SOX10: variants seen among roughly 807,000 people sequenced by gnomAD.
The protein encoded by SOX10 is transcription factor SOX-10.
In SOX10, 3 loss-of-function variants were observed where a neutral mutation model predicts 35.0. That is an observed-to-expected ratio of 0.09 (90% CI 0.04 to 0.22). The LOEUF (loss-of-function observed/expected upper bound fraction) is 0.22. SOX10 is among the 10% of genes least tolerant of loss of function. The probability of loss-of-function intolerance (pLI) is 1.00; values close to 1 mark genes in which losing one functional copy is unlikely to be tolerated. For missense variants in SOX10, 436 were observed against 655.1 expected, an observed-to-expected ratio of 0.67 and a Z score of 3.65; for synonymous variants, 285 against 291.0, an observed-to-expected ratio of 0.98 and a Z score of 0.21.
Position 37,973,477 on chromosome 22 carries a change from G to A in SOX10, c.*18C>T, listed in dbSNP as rs543526248. 21 of 1,506,314 alleles carry A rather than the reference G, an allele frequency of 1.4e-5. No individual in the cohort carries two copies. The African/African-American group carries it at 2.8e-4, about 20-fold the overall frequency. The allele number at this position is 1,506,314 out of a possible 1,614,324, so 93.3% of individuals were successfully genotyped here. A position where few individuals can be genotyped will look rare whatever the true frequency, so the allele number is the denominator to read the frequency against. Reference sequence around the variant, plus strand: ...GGGGGCAGGGGCTGGGCGGGGGGTGGTGGCGACAGGGCCCCCTTTAGGGCC... The same window carrying A: ...GGGGGCAGGGGCTGGGCGGGGGGTGATGGCGACAGGGCCCCCTTTAGGGCC... On this transcript the variant is annotated 3_prime_UTR_variant, in exon 4 of 4. Coordinates refer to ENST00000396884, the MANE Select transcript of SOX10 (RefSeq NM_006941.4).
In SOX10 at chr22:37,980,661, C is replaced by A. The variant is rs888588635; in HGVS notation, c.429-2526G>T. On this transcript the variant is annotated intron_variant, in intron 2 of 3. Coordinates refer to ENST00000396884, the MANE Select transcript of SOX10 (RefSeq NM_006941.4). The surrounding 1 kb of genome is among the most constrained non-coding windows in gnomAD (Gnocchi z 4.1). ...AACATTACCAGCCCCAAACCCCCAACTTCGCCTCCAGCTCTAACTCCAAAC... is the reference window on the plus strand; with the variant it reads ...AACATTACCAGCCCCAAACCCCCAAATTCGCCTCCAGCTCTAACTCCAAAC... Among the ~76,000 whole-genome samples the A allele has an allele frequency of 1.3e-5, 2 of 152,232 alleles. No individual in the cohort carries two copies. Among genetic ancestry groups the A allele is most frequent in the African/African-American group, 4.8e-5 (2 of 41,464 alleles).
Position 37,983,595 on chromosome 22 carries a change from C to T in SOX10, c.190G>A (p.Asp64Asn), listed in dbSNP as rs1371901048. The T allele has an allele frequency of 1.2e-6, 2 of 1,608,846 alleles. No individual in the cohort carries two copies. Among genetic ancestry groups the T allele is most frequent in the East Asian group, 2.2e-5 (1 of 44,748 alleles). ...ATGCACACGGGGAACTTGTCATCGT[C>T]CGCCTCGCCGTCCTGCTGCTCCTTC... ...VKKEQQDGEADDDKFPVCIRE... is the reference protein window; with the variant it reads ...VKKEQQDGEANDDKFPVCIRE... Residue 64 changes from aspartate (D) to asparagine (N), a missense_variant, in exon 2 of 4, where the codon GAC becomes AAC. Physicochemically the swap from Asp to Asn is conservative, Grantham distance 23. This residue lies in a region of SOX10 where 97 missense variants were observed against 95.5 expected (regional missense o/e 1.02). Transcript: ENST00000396884. This position sits in a 1 kb window ranked among gnomAD's most constrained non-coding sequence, Gnocchi z 9.5.
chr22:37,977,147 G>T (rs1308635349), intron 3 of SOX10, among the ~76,000 whole-genome samples: 1 of 149,396 alleles, frequency 6.7e-6, no homozygotes, highest in Non-Finnish European at 1.5e-5. Flanking sequence ...TAGCCTGGGC[G>T]ACAGAGTGAG....
At position 37,973,927 on chromosome 22, in the gene SOX10, G is replaced by A; in HGVS notation, c.969C>T (p.Ala323=). 1 of 1,610,358 alleles carries A rather than the reference G, an allele frequency of 6.2e-7. No homozygotes were observed. The highest frequency in any genetic ancestry group is 8.5e-7 in the Non-Finnish European group (1 of 1,179,932). The part of the protein sequence containing the change: ...YSAAGYGLGS[A]LAVASGHSAW... ...CGGAGTGTCCACTGGCCACGGCCAGGGCACTGCCCAGCCCATAGCCGGCTG... is the reference window on the plus strand; with the variant it reads ...CGGAGTGTCCACTGGCCACGGCCAGAGCACTGCCCAGCCCATAGCCGGCTG... Residue 323 remains alanine (A), a synonymous_variant, in exon 4 of 4, where the codon GCC becomes GCT. Coordinates refer to ENST00000396884, the MANE Select transcript of SOX10 (RefSeq NM_006941.4).
chr22:37,973,181 C>A lies in SOX10; in HGVS notation c.*314G>T. On this transcript the variant is annotated 3_prime_UTR_variant, in exon 4 of 4. Coordinates refer to ENST00000396884, the MANE Select transcript of SOX10 (RefSeq NM_006941.4). ...GCTTCCCCTCCCCGAGGAGGGTGAG[C>A]AGGCCCTTCTCAGGTCCTGGGATAG... The A allele has an allele frequency of 2.9e-6, 1 of 339,896 alleles. No individual in the cohort carries two copies. Among genetic ancestry groups the A allele is most frequent in the Non-Finnish European group, 5.4e-6 (1 of 185,788 alleles). 21.1% of individuals were successfully genotyped at this position (339,896 alleles called of 1,614,324 possible). A position where few individuals can be genotyped will look rare whatever the true frequency, so the allele number is the denominator to read the frequency against.
intron 2 of SOX10, among the ~76,000 whole-genome samples, chr22:37,982,427 C>T (rs948777620): frequency 2.0e-5 from 3 of 152,164 alleles, no homozygotes; most frequent in Non-Finnish European, 4.4e-5. Context: ...TTCCACACAT[C>T]CCCAGGAGGC....
Position 37,978,273 on chromosome 22 carries a change from G to T in SOX10, c.429-138C>A. The T allele has an allele frequency of 2.2e-6, 2 of 905,614 alleles. No homozygotes were observed. The highest frequency in any genetic ancestry group is 3.7e-5 in the South Asian group (2 of 54,264). The allele number at this position is 905,614 out of a possible 1,614,324, so 56.1% of individuals were successfully genotyped here. A position where few individuals can be genotyped will look rare whatever the true frequency, so the allele number is the denominator to read the frequency against. Reference sequence around the variant, plus strand: ...TGGGGCACCCAGAGGACAGGACCCGGGGTGGGGGCTGTGCCCTATGATTTG... The same window carrying T: ...TGGGGCACCCAGAGGACAGGACCCGTGGTGGGGGCTGTGCCCTATGATTTG... On this transcript the variant is annotated intron_variant, in intron 2 of 3. Coordinates refer to ENST00000396884, the MANE Select transcript of SOX10 (RefSeq NM_006941.4). The surrounding 1 kb of genome is among the most constrained non-coding windows in gnomAD (Gnocchi z 5.0).
At position 37,973,969 on chromosome 22, in the gene SOX10, A is replaced by C; in HGVS notation, c.927T>G (p.His309Gln). 6.2e-7 allele frequency: 1 copy of C among 1,611,794 alleles called. No homozygotes were observed. The highest frequency in any genetic ancestry group is 8.5e-7 in the Non-Finnish European group (1 of 1,179,892). Residue 309 changes from histidine to glutamine, a missense_variant, in exon 4 of 4, where the codon CAT becomes CAG. His to Gln is a conservative substitution (Grantham distance 24, BLOSUM62 0). This residue lies in a region of SOX10 where 285 missense variants were observed against 402.9 expected (regional missense o/e 0.71). Transcript: ENST00000396884. ...AGCCGGCTGCTGAGTAGCTGCTCAC[A>C]TGGCCTGGGTGCCCATTGGGCGGCA... The part of the protein sequence containing the change: ...QYLPPNGHPG[H>Q]VSSYSAAGYG...
At position 37,973,464 on chromosome 22, in the gene SOX10, T is replaced by G. The variant is rs1479216275; in HGVS notation, c.*31A>C. 15 of 1,405,670 alleles carry G rather than the reference T, an allele frequency of 1.1e-5. No individual in the cohort carries two copies. Among genetic ancestry groups the G allele is most frequent in the Non-Finnish European group, 1.2e-5 (12 of 1,026,522 alleles). The allele number at this position is 1,405,670 out of a possible 1,614,324, so 87.1% of individuals were successfully genotyped here. On this transcript the variant is annotated 3_prime_UTR_variant, in exon 4 of 4. Coordinates refer to ENST00000396884, the MANE Select transcript of SOX10 (RefSeq NM_006941.4). Reference sequence around the variant, plus strand: ...GGGCACACAGGCTGGGGGCAGGGGCTGGGCGGGGGGTGGTGGCGACAGGGC... The same window carrying G: ...GGGCACACAGGCTGGGGGCAGGGGCGGGGCGGGGGGTGGTGGCGACAGGGC...
intron 2 of SOX10, among the ~76,000 whole-genome samples, chr22:37,982,491 A>G (rs1229625660): frequency 6.6e-6 from 1 of 151,926 alleles, no homozygotes; most frequent in Non-Finnish European, 1.5e-5. Flanking sequence ...CCTGCGGGGG[A>G]TGTTTTTCCT....
rs1395936283 is a variant in SOX10 at position 37,983,452 on chromosome 22, G to A, written c.333C>T (p.Phe111=). Residue 111 remains phenylalanine, a synonymous_variant, in exon 2 of 4, where the codon TTC becomes TTT. Coordinates refer to ENST00000396884, the MANE Select transcript of SOX10 (RefSeq NM_006941.4). This position sits in a 1 kb window ranked among gnomAD's most constrained non-coding sequence, Gnocchi z 9.5. ...TGCGCGCTGCCTGAGCCCACACCAT[G>A]AAGGCGTTCATGGGCCGCTTGACGT... ...KPHVKRPMNA[F]MVWAQAARRK... The A allele has an allele frequency of 6.2e-7, 1 of 1,612,434 alleles. No individual in the cohort carries two copies. The highest frequency in any genetic ancestry group is 1.7e-5 in the Admixed American group (1 of 59,882).
Position 37,978,197 on chromosome 22 carries a change from C to T in SOX10, c.429-62G>A. On this transcript the variant is annotated intron_variant, in intron 2 of 3. Coordinates refer to ENST00000396884, the MANE Select transcript of SOX10 (RefSeq NM_006941.4). This position sits in a 1 kb window ranked among gnomAD's most constrained non-coding sequence, Gnocchi z 5.0. ...GGCTGGCGTGAATGCCAGAGCACTCCAGGTTGGCCTCCCTCTGAGTGTCCA... is the reference window on the plus strand; with the variant it reads ...GGCTGGCGTGAATGCCAGAGCACTCTAGGTTGGCCTCCCTCTGAGTGTCCA... The T allele has an allele frequency of 6.9e-7, 1 of 1,449,166 alleles. No individual in the cohort carries two copies. Among genetic ancestry groups the T allele is most frequent in the Non-Finnish European group, 9.1e-7 (1 of 1,099,244 alleles). The allele number at this position is 1,449,166 out of a possible 1,614,324, so 89.8% of individuals were successfully genotyped here.
intron 3 of SOX10, among the ~76,000 whole-genome samples, chr22:37,977,265 C>G (rs565524934): frequency 1.3e-5 from 2 of 151,858 alleles, no homozygotes; most frequent in Admixed American, 6.6e-5. Context: ...GTCTTCTCCC[C>G]CTTTACTTGT....
chr22:37,983,861 A>G lies in SOX10; in HGVS notation c.-77T>C. The G allele has an allele frequency of 3.2e-6, 4 of 1,246,840 alleles. No homozygotes were observed. Among genetic ancestry groups the G allele is most frequent in the Non-Finnish European group, 4.1e-6 (4 of 973,596 alleles). The allele number at this position is 1,246,840 out of a possible 1,614,324, so 77.2% of individuals were successfully genotyped here. On this transcript the variant is annotated 5_prime_UTR_variant, in exon 2 of 4. Coordinates refer to ENST00000396884, the MANE Select transcript of SOX10 (RefSeq NM_006941.4). This position sits in a 1 kb window ranked among gnomAD's most constrained non-coding sequence, Gnocchi z 9.5. ...CGCCGGGGTCCTCGCAAAGAGTCCAACGCCCACCTGGATGGAAGGAGGGCG... is the reference window on the plus strand; with the variant it reads ...CGCCGGGGTCCTCGCAAAGAGTCCAGCGCCCACCTGGATGGAAGGAGGGCG...
At chr22:37,981,308 C>A (rs191289936) in intron 2 of SOX10, among the ~76,000 whole-genome samples, 4 of 152,226 alleles carry the variant, frequency 2.6e-5, no homozygotes, top group Non-Finnish European at 5.9e-5. Context: ...TCTCTCAGGA[C>A]CCCCCTCCAG....
chr22:37,975,838 G>A (rs1316168123), intron 3 of SOX10, among the ~76,000 whole-genome samples: 1 of 152,078 alleles, frequency 6.6e-6, no homozygotes, highest in African/African-American at 2.4e-5. Context: ...GGGCAGTGGG[G>A]TGTTCTTGGA....
At chr22:37,982,264 A>G (rs906997716) in intron 2 of SOX10, among the ~76,000 whole-genome samples, 23 of 152,036 alleles carry the variant, frequency 1.5e-4, no homozygotes, top group African/African-American at 5.6e-4. Flanking sequence ...ACCAACTTCT[A>G]TGTGACCTTT....
At position 37,972,635 on chromosome 22, in the gene SOX10, T is replaced by C; in HGVS notation, c.*860A>G. ...TAGGGCCTGAGCAGCTGTCACTCTC[T>C]GGGAAGCCCAGGGAGTGGGGCTGAC... is the stretch of plus-strand genomic sequence containing the variant. On this transcript the variant is annotated 3_prime_UTR_variant, in exon 4 of 4. Transcript: ENST00000396884. 5.8e-6 allele frequency: 1 copy of C among 171,862 alleles called. No individual in the cohort carries two copies. Among genetic ancestry groups the C allele is most frequent in the Admixed American group, 5.7e-5 (1 of 17,552 alleles). The allele number at this position is 171,862 out of a possible 1,614,324, so 10.6% of individuals were successfully genotyped here.
rs200683397 is a variant in SOX10, at chr22:37,983,574, A to C, written c.211T>G (p.Cys71Gly). 53 of 1,610,484 alleles carry C rather than the reference A, an allele frequency of 3.3e-5. No homozygotes were observed. The Admixed American group carries it at 6.7e-4, about 20-fold the overall frequency. Residue 71 changes from cysteine (C) to glycine (G), a missense_variant, in exon 2 of 4, where the codon TGC (cysteine) becomes GGC (glycine). Physicochemically the swap from Cys to Gly is radical, Grantham distance 159. This residue lies in a region of SOX10 where 54 missense variants were observed against 156.7 expected (regional missense o/e 0.34). Coordinates refer to ENST00000396884, the MANE Select transcript of SOX10 (RefSeq NM_006941.4). This position sits in a 1 kb window ranked among gnomAD's most constrained non-coding sequence, Gnocchi z 9.5. ...ACCTGGCTGACGGCCTCGCGGATGC[A>C]CACGGGGAACTTGTCATCGTCCGCC... ...GEADDDKFPV[C>G]IREAVSQVLS...
Sources: gnomAD v4.1 joint callset for allele counts (sites outside exome capture counted in the v4.1 genomes callset) on GRCh38, gnomAD v4.1.1 for gene constraint, gnomAD v4.1.1 regional missense constraint, Gnocchi (gnomAD v3.1) non-coding constraint, MANE v1.5 for transcripts, NCBI Gene and HGNC (gene_info 2026-07-23, HGNC 2026-07-21) for gene names.